Variants in COL15A1 observed in about 807,000 individuals in gnomAD.
The protein encoded by COL15A1 is collagen type XV alpha 1 chain.
Under a neutral mutation model 165.9 loss-of-function variants are expected in COL15A1, and 111 were observed. The ratio of observed to expected loss-of-function variants is 0.67; its 90% CI spans 0.57 to 0.78. The LOEUF is 0.78. Among genes scored for constraint, COL15A1 ranks in the 30% least tolerant of loss-of-function variants. COL15A1 has a pLI of 0.00. For missense variants in COL15A1, 1,745 were observed against 1,789.7 expected (o/e 0.98, Z 0.45); for synonymous variants, 659 against 674.8 (o/e 0.98, Z 0.36).
At chr9:99,016,522 TG>T (rs1838937616) in intron 11 of COL15A1, among the ~76,000 whole-genome samples, 1 of 152,250 alleles carries the variant, frequency 6.6e-6, no homozygotes, top group Non-Finnish European at 1.5e-5. Flanking sequence ...TGGCTACAAC[TG>T]TGTGACCTTA....
chr9:99,014,120 CA>C (rs539112694), intron 9 of COL15A1, among the ~76,000 whole-genome samples: 4 of 151,452 alleles, frequency 2.6e-5, no homozygotes, highest in South Asian at 2.1e-4. Context: ...GAACAACAAC[CA>C]AAAAAACCCT....
At chr9:99,005,317 A>C (rs1417805326) in intron 9 of COL15A1, among the ~76,000 whole-genome samples, 1 of 151,970 alleles carries the variant, frequency 6.6e-6, no homozygotes, top group African/African-American at 2.4e-5. Context: ...TGCTGCCTCC[A>C]CCCACAGGGG....
intron 31 of COL15A1, among the ~76,000 whole-genome samples, chr9:99,053,696 G>A (rs1825664640): frequency 1.3e-5 from 2 of 152,322 alleles, no homozygotes; most frequent in African/African-American, 2.4e-5. Flanking sequence ...GGGTTGGAGA[G>A]GCCTCGACAG....
Position 98,996,957 on chromosome 9 carries a change from C to G in COL15A1, c.828C>G (p.Pro276=). 6.2e-7 allele frequency: 1 copy of G among 1,614,160 alleles called. No homozygotes were observed. Among genetic ancestry groups the G allele is most frequent in the Non-Finnish European group, 8.5e-7 (1 of 1,180,016 alleles). Reference sequence around the variant, plus strand: ...AGCCCAAAGAAGCAAAAGTTGAACCCATAAACACACCTCCAACTCCATCCT... The same window carrying G: ...AGCCCAAAGAAGCAAAAGTTGAACCGATAAACACACCTCCAACTCCATCCT... ...QASPKEAKVE[P]INTPPTPSSP... Residue 276 remains proline, a synonymous_variant, in exon 6 of 42, where the codon CCC becomes CCG. Transcript: ENST00000375001.
Position 99,062,255 on chromosome 9 carries a change from T to C in COL15A1, c.3542T>C (p.Leu1181Pro). ...DGWKKLQLGE[L>P]IPIPADSPPP... is the part of the protein sequence containing the mutation. ...CTGTTTTTCTTAAAGCTGGGAGAAC[T>C]GATCCCCATTCCTGCCGACAGCCCT... Residue 1181 changes from leucine (L) to proline (P), a missense_variant, in exon 38 of 42, where the codon CTG (leucine) becomes CCG (proline). By Grantham distance (98) the Leu-to-Pro change is moderately conservative. Coordinates refer to ENST00000375001, the MANE Select transcript of COL15A1 (RefSeq NM_001855.5). 2 of 1,613,750 alleles carry C rather than the reference T, an allele frequency of 1.2e-6. No individual in the cohort carries two copies. Among genetic ancestry groups the C allele is most frequent in the East Asian group, 4.5e-5 (2 of 44,882 alleles).
rs776468256 is a variant in COL15A1 at position 98,944,291 on chromosome 9, G to A, written c.100+41G>A. The A allele has an allele frequency of 3.2e-5, 51 of 1,588,386 alleles. No individual in the cohort carries two copies. In the South Asian group the frequency reaches 5.6e-4, roughly 17 times the overall value. On this transcript the variant is annotated intron_variant, in intron 2 of 41. Transcript: ENST00000375001. ...GGAGGGTGGCACCGGCTGCCTCCGCGCCCGTGGGGGAAGTCGGTTTTGGCG... is the reference window on the plus strand; with the variant it reads ...GGAGGGTGGCACCGGCTGCCTCCGCACCCGTGGGGGAAGTCGGTTTTGGCG...
intron 2 of COL15A1, among the ~76,000 whole-genome samples, chr9:98,946,123 C>T (rs1837580376): frequency 6.6e-6 from 1 of 152,202 alleles, no homozygotes; most frequent in Admixed American, 6.5e-5. Flanking sequence ...TTTAATATCC[C>T]TAATACTTAT....
chr9:99,036,809 G>C (rs1023966922), intron 21 of COL15A1, among the ~76,000 whole-genome samples: 1 of 152,222 alleles, frequency 6.6e-6, no homozygotes, highest in Non-Finnish European at 1.5e-5. Context: ...CCCAGTGGGA[G>C]AGCCACATGT....
At chr9:99,021,335 T>C (rs993621025) in intron 12 of COL15A1, among the ~76,000 whole-genome samples, 10 of 143,926 alleles carry the variant, frequency 6.9e-5, no homozygotes, top group African/African-American at 2.4e-4. Flanking sequence ...TGCCTCTGGC[T>C]ACCTCAGTGG....
chr9:99,005,355 G>A (rs1753739235), intron 9 of COL15A1, among the ~76,000 whole-genome samples: 1 of 152,096 alleles, frequency 6.6e-6, no homozygotes, highest in Admixed American at 6.5e-5. Flanking sequence ...GGAGTGGCGG[G>A]CTCCTGGAGG....
intron 6 of COL15A1, among the ~76,000 whole-genome samples, chr9:98,997,448 G>C (rs1838567566): frequency 6.6e-6 from 1 of 152,082 alleles, no homozygotes. Flanking sequence ...CAAGTGTTTG[G>C]ATATTTTGTC....
chr9:99,040,676 A>C, intron 23 of COL15A1, 120 bp downstream of exon 23: 1 of 1,564,632 alleles, frequency 6.4e-7, no homozygotes. Context: ...CATCTTGTTC[A>C]TTAACTTTTT....
intron 2 of COL15A1, among the ~76,000 whole-genome samples, chr9:98,980,822 C>G (rs1588500276): frequency 6.6e-6 from 1 of 152,154 alleles, no homozygotes; most frequent in African/African-American, 2.4e-5. Flanking sequence ...ACTATCACTA[C>G]CGTTGAAAAG....
intron 30 of COL15A1, among the ~76,000 whole-genome samples, 165 bp downstream of exon 30, chr9:99,050,060 G>A (rs1456800575): frequency 6.6e-6 from 1 of 152,164 alleles, no homozygotes; most frequent in Non-Finnish European, 1.5e-5. Context: ...TTAGATAACA[G>A]GTCGTGGCAA....
At chr9:98,951,863 T>C (rs1056574333) in intron 2 of COL15A1, among the ~76,000 whole-genome samples, 4 of 152,150 alleles carry the variant, frequency 2.6e-5, no homozygotes, top group Non-Finnish European at 5.9e-5. Flanking sequence ...TGGCTACCAG[T>C]ACCATTTTAA....
chr9:98,973,677 C>T (rs1046062364), intron 2 of COL15A1, among the ~76,000 whole-genome samples: 28 of 152,228 alleles, frequency 1.8e-4, no homozygotes, highest in African/African-American at 6.5e-4. Flanking sequence ...TGACATTTTC[C>T]TGAGCACAGT....
intron 16 of COL15A1, among the ~76,000 whole-genome samples, chr9:99,030,788 A>G (rs1179825571): frequency 2.6e-5 from 4 of 152,220 alleles, no homozygotes; most frequent in Non-Finnish European, 5.9e-5. Context: ...TTTCACAACA[A>G]TCCTGATGGT....
At chr9:98,944,297 G>T (rs1207378497) in intron 2 of COL15A1, 47 bp downstream of exon 2, 2 of 1,578,796 alleles carry the variant, frequency 1.3e-6, no homozygotes, top group Admixed American at 1.8e-5. Flanking sequence ...CCGCGCCCGT[G>T]GGGGAAGTCG....
intron 30 of COL15A1, among the ~76,000 whole-genome samples, chr9:99,051,694 C>T (rs1839590445): frequency 6.6e-6 from 1 of 152,184 alleles, no homozygotes; most frequent in Non-Finnish European, 1.5e-5. Flanking sequence ...ACCCTCCACC[C>T]GTAAGCACAG....
Sources: gnomAD v4.1 joint callset for allele counts (sites outside exome capture counted in the v4.1 genomes callset) on GRCh38, gnomAD v4.1.1 for gene constraint, MANE v1.5 for transcripts, NCBI Gene and HGNC (gene_info 2026-07-23, HGNC 2026-07-21) for gene names.